The following TMEM132D variants were observed in gnomAD, a reference collection of about 807,000 sequenced individuals.
TMEM132D encodes mature OL transmembrane protein.
Under a neutral mutation model 62.3 loss-of-function variants are expected in TMEM132D, and 21 were observed. The observed-to-expected ratio is 0.34, with a 90% CI of 0.24 to 0.49. TMEM132D has a LOEUF of 0.49. Among genes scored for constraint, TMEM132D ranks in the 20% least tolerant of loss-of-function variants. TMEM132D has a pLI of 0.99. For synonymous variants in TMEM132D, 621 were observed against 575.6 expected (o/e 1.08, Z -1.13); for missense variants, 1,346 against 1,402.8 (o/e 0.96, Z 0.65).
intron 1 of TMEM132D, among the ~76,000 whole-genome samples, chr12:129,898,700 T>C (rs750552151): frequency 3.9e-5 from 6 of 152,220 alleles, no homozygotes; most frequent in Non-Finnish European, 7.3e-5. Context: ...ACTTTATGTT[T>C]TTCTGTGTAA....
intron 5 of TMEM132D, among the ~76,000 whole-genome samples, chr12:129,147,251 TA>T (rs1876930225): frequency 6.7e-6 from 1 of 149,656 alleles, no homozygotes; most frequent in Non-Finnish European, 1.5e-5. Context: ...TATGTTTATG[TA>T]TATATACATA....
At chr12:129,245,515 C>T (rs969260125) in intron 4 of TMEM132D, among the ~76,000 whole-genome samples, 4 of 151,662 alleles carry the variant, frequency 2.6e-5, no homozygotes, top group Non-Finnish European at 5.9e-5. Context: ...CTGCTATAAA[C>T]ATCTGTGTGC....
intron 1 of TMEM132D, among the ~76,000 whole-genome samples, chr12:129,828,142 C>T (rs1208389354): frequency 6.6e-6 from 1 of 152,072 alleles, no homozygotes; most frequent in Non-Finnish European, 1.5e-5. Context: ...AAAGGCTAAG[C>T]AGGGGGCCTG....
At chr12:129,647,193 TCATAA>T (rs1422013536) in intron 2 of TMEM132D, among the ~76,000 whole-genome samples, 1 of 151,432 alleles carries the variant, frequency 6.6e-6, no homozygotes, top group Non-Finnish European at 1.5e-5. Flanking sequence ...TGTTATATTG[TCATAA>T]CATATTTCTG....
chr12:129,647,594 T>C (rs940561499), intron 2 of TMEM132D, among the ~76,000 whole-genome samples: 4 of 152,316 alleles, frequency 2.6e-5, no homozygotes, highest in Non-Finnish European at 5.9e-5. Flanking sequence ...CAGGATTCTT[T>C]TTGTGCGATA....
intron 2 of TMEM132D, among the ~76,000 whole-genome samples, chr12:129,643,711 T>C (rs1266261869): frequency 6.6e-6 from 1 of 152,190 alleles, no homozygotes; most frequent in Non-Finnish European, 1.5e-5. Flanking sequence ...AATTGCCTCC[T>C]TTCGAGAGGC....
rs111419096 is a variant in TMEM132D, at chr12:129,367,633, TGA to T, written c.1116-29818_1116-29817del. 2.3e-4 allele frequency among the ~76,000 whole-genome samples: 35 copies of T among 152,196 alleles called. 1 individual carries two copies. Among genetic ancestry groups the T allele is most frequent in the African/African-American group, 8.2e-4 (34 of 41,538 alleles). The stretch of plus-strand genomic sequence containing the variant: ...GTGGCCATCTCCGCGGCCAAGAGGA[TGA>T]GTGGTAGCCAGAGGCAGAGAGAAAG... On this transcript the variant is annotated intron_variant, in intron 3 of 8. Transcript: ENST00000422113.
intron 1 of TMEM132D, among the ~76,000 whole-genome samples, chr12:129,786,166 C>T (rs1871242580): frequency 6.6e-6 from 1 of 152,146 alleles, no homozygotes; most frequent in Admixed American, 6.5e-5. Flanking sequence ...TCATGCTGCC[C>T]TGCCTCCTCC....
chr12:129,315,024 T>C (rs1254875454), intron 4 of TMEM132D, among the ~76,000 whole-genome samples: 1 of 152,210 alleles, frequency 6.6e-6, no homozygotes, highest in Non-Finnish European at 1.5e-5. Flanking sequence ...AATTCTTTCA[T>C]CAGTTCTAGG....
rs185584611 is a variant in TMEM132D at position 129,074,182 on chromosome 12, T to C, written c.2993A>G (p.Glu998Gly). The change falls in exon 9 of 9, where the codon GAG (glutamate) becomes GGG (glycine). Residue 998 changes from glutamate to glycine, a missense_variant. Physicochemically the swap from Glu to Gly is moderately conservative, Grantham distance 98 (BLOSUM62 -2). Transcript: ENST00000422113. ...ITAIDRGMDFEESKYLLSTNS... is the reference protein window; with the variant it reads ...ITAIDRGMDFGESKYLLSTNS... ...TGTGCTGAGGAGATATTTACTTTCC[T>C]CGAAATCCATGCCCCTGTCAATGGC... The C allele has an allele frequency of 4.2e-5, 67 of 1,614,068 alleles. No individual in the cohort carries two copies. The Admixed American group carries it at 9.0e-4, about 22-fold the overall frequency.
At chr12:129,624,419 G>A (rs1879158741) in intron 2 of TMEM132D, among the ~76,000 whole-genome samples, 1 of 152,228 alleles carries the variant, frequency 6.6e-6, no homozygotes, top group African/African-American at 2.4e-5. Context: ...AGACATGTGA[G>A]TGGAACAAAG....
chr12:129,635,440 G>C (rs571104925), intron 2 of TMEM132D, among the ~76,000 whole-genome samples: 151 of 152,322 alleles, frequency 9.9e-4, no homozygotes, highest in African/African-American at 3.3e-3. Context: ...AGCCTGAAAG[G>C]AAAGGGAGGG....
intron 4 of TMEM132D, among the ~76,000 whole-genome samples, chr12:129,266,928 CA>C (rs1015239539): frequency 6.6e-6 from 1 of 152,120 alleles, no homozygotes; most frequent in African/African-American, 2.4e-5. Context: ...ATCCCAGCCC[CA>C]GTCTGTTTTT....
At chr12:129,659,747 A>G (rs980732239) in intron 2 of TMEM132D, among the ~76,000 whole-genome samples, 2 of 152,194 alleles carry the variant, frequency 1.3e-5, no homozygotes, top group African/African-American at 2.4e-5. Flanking sequence ...GTTCACAAGC[A>G]TTTTTTCATG....
chr12:129,629,697 C>T (rs1428226096), intron 2 of TMEM132D, among the ~76,000 whole-genome samples: 9 of 152,078 alleles, frequency 5.9e-5, no homozygotes, highest in Non-Finnish European at 1.3e-4. Flanking sequence ...CAAACAAACA[C>T]CATCCGTGAA....
chr12:129,418,700 A>C (rs1872204942), intron 3 of TMEM132D, among the ~76,000 whole-genome samples: 2 of 152,168 alleles, frequency 1.3e-5, no homozygotes, highest in South Asian at 4.2e-4. Flanking sequence ...CACATTCTGC[A>C]CATGTATCCC....
chr12:129,590,997 G>A (rs1878172623), intron 2 of TMEM132D, among the ~76,000 whole-genome samples: 1 of 152,192 alleles, frequency 6.6e-6, no homozygotes, highest in Non-Finnish European at 1.5e-5. Flanking sequence ...GTGAAGCTAT[G>A]GATGTGTTAT....
chr12:129,822,628 A>C (rs993805458), intron 1 of TMEM132D, among the ~76,000 whole-genome samples: 2 of 152,166 alleles, frequency 1.3e-5, no homozygotes, highest in African/African-American at 4.8e-5. Context: ...ATGAGGTTTA[A>C]TTGACTCACA....
chr12:129,120,418 T>C (rs1178497622), intron 5 of TMEM132D, among the ~76,000 whole-genome samples: 2 of 152,208 alleles, frequency 1.3e-5, no homozygotes, highest in African/African-American at 2.4e-5. Context: ...GGGATGTTCT[T>C]ACTGGGAAAG....
Sources: gnomAD v4.1 joint callset for allele counts (sites outside exome capture counted in the v4.1 genomes callset) on GRCh38, gnomAD v4.1.1 for gene constraint, MANE v1.5 for transcripts, NCBI Gene and HGNC (gene_info 2026-07-23, HGNC 2026-07-21) for gene names.